L1TD1: variants seen among roughly 807,000 people sequenced by gnomAD.
L1TD1 encodes LINE-1 type transposase domain-containing protein 1.
L1TD1 carries 26 observed loss-of-function variants against 25.7 expected under a neutral mutation model. The observed-to-expected ratio is 1.01, with a 90% CI of 0.74 to 1.40. The LOEUF (loss-of-function observed/expected upper bound fraction) is 1.40, where lower values mean the gene tolerates loss of function less well. Ranked by LOEUF, L1TD1 falls within the 40% of genes most tolerant of loss-of-function variation. The pLI is 0.00. For synonymous variants in L1TD1, 421 were observed against 335.6 expected (o/e 1.25, Z -2.78); for missense variants, 1,130 against 975.0 (o/e 1.16, Z -2.12).
intron 2 of L1TD1, among the ~76,000 whole-genome samples, chr1:62,203,101 C>T (rs539024743): frequency 4.6e-5 from 7 of 152,148 alleles, no homozygotes; most frequent in Admixed American, 3.9e-4. Context: ...GCTGGGATTA[C>T]AGGTGTGAGC....
intron 3 of L1TD1, among the ~76,000 whole-genome samples, chr1:62,208,919 T>A (rs1443758528): frequency 6.6e-6 from 1 of 152,206 alleles, no homozygotes; most frequent in Non-Finnish European, 1.5e-5. Context: ...ACAAATTATT[T>A]AAGAATCAGT....
Position 62,194,881 on chromosome 1 carries a change from G to C in L1TD1, c.-245G>C, listed in dbSNP as rs1285961779. 1.3e-5 allele frequency: 2 copies of C among 152,470 alleles called. No individual in the cohort carries two copies. Among genetic ancestry groups the C allele is most frequent in the African/African-American group, 4.8e-5 (2 of 41,478 alleles). 9.4% of individuals were successfully genotyped at this position (152,470 alleles called of 1,614,324 possible). ...AGTTACAAGGCTCCATCCTCACTTTGTTCGCTCCTCAGTCGTCCAGGCGGA... is the reference window on the plus strand; with the variant it reads ...AGTTACAAGGCTCCATCCTCACTTTCTTCGCTCCTCAGTCGTCCAGGCGGA... On this transcript the variant is annotated 5_prime_UTR_variant, in exon 1 of 4. Transcript: ENST00000498273.
intron 3 of L1TD1, 28 bp from the exon 4 acceptor site, chr1:62,209,754 CT>C (rs143484043): frequency 6.6e-5 from 93 of 1,412,670 alleles, no homozygotes; most frequent in Admixed American, 1.5e-4. Context: ...ACAAATAACT[CT>C]TTTTTTTCTT....
rs1670854170 is a variant in L1TD1 at position 62,210,878 on chromosome 1, A to AT, written c.2106dup (p.Arg703SerfsTer12). ...AGAGGAGAGATCTAGAAGTTGCAAC[A>AT]TTCGTTTGATAGGAATTCCAGAAAA... On this transcript the variant is annotated frameshift_variant, in exon 4 of 4. Coordinates refer to ENST00000498273, the MANE Select transcript of L1TD1 (RefSeq NM_019079.5). LOFTEE classifies it low-confidence loss of function (END_TRUNC). 1 of 1,551,454 alleles carries AT rather than the reference A, an allele frequency of 6.4e-7. No individual in the cohort carries two copies. The highest frequency in any genetic ancestry group is 1.2e-5 in the South Asian group (1 of 84,018).
chr1:62,210,954 A>G lies in L1TD1; in HGVS notation c.2180A>G (p.Glu727Gly). The G allele has an allele frequency of 6.5e-7, 1 of 1,545,410 alleles. No individual in the cohort carries two copies. The highest frequency in any genetic ancestry group is 2.4e-5 in the East Asian group (1 of 40,888). ...GACATAATTAAAGAAATAATTGATGAAAACTTTGCAGAACTAAAGAAAGGT... is the reference window on the plus strand; with the variant it reads ...GACATAATTAAAGAAATAATTGATGGAAACTTTGCAGAACTAAAGAAAGGT... ...AEDIIKEIID[E>G]NFAELKKGSS... is the part of the protein sequence containing the mutation. Residue 727 changes from glutamate to glycine, a missense_variant, in exon 4 of 4, where the codon GAA (glutamate) becomes GGA (glycine). By Grantham distance (98) the Glu-to-Gly change is moderately conservative (BLOSUM62 -2). Transcript: ENST00000498273.
In L1TD1 at chr1:62,211,251, C is replaced by T. The variant is rs1489555408; in HGVS notation, c.2477C>T (p.Pro826Leu). ...GGCTTTAATCCTAGAATCCTATATCCAGCCAAAATGGCATTTGATTTTAGG... is the reference window on the plus strand; with the variant it reads ...GGCTTTAATCCTAGAATCCTATATCTAGCCAAAATGGCATTTGATTTTAGG... ...EKGFNPRILY[P>L]AKMAFDFRGK... Residue 826 changes from proline (P) to leucine (L), a missense_variant, in exon 4 of 4, where the codon CCA becomes CTA. Coordinates refer to ENST00000498273, the MANE Select transcript of L1TD1 (RefSeq NM_019079.5). The T allele has an allele frequency of 1.3e-6, 2 of 1,595,144 alleles. No homozygotes were observed. Among genetic ancestry groups the T allele is most frequent in the Non-Finnish European group, 1.7e-6 (2 of 1,170,092 alleles).
chr1:62,211,492 A>T lies in L1TD1; in HGVS notation c.*120A>T, dbSNP rs1670871196. The T allele has an allele frequency of 6.8e-7, 1 of 1,463,598 alleles. No individual in the cohort carries two copies. Among genetic ancestry groups the T allele is most frequent in the African/African-American group, 1.4e-5 (1 of 71,056 alleles). The allele number at this position is 1,463,598 out of a possible 1,614,324, so 90.7% of individuals were successfully genotyped here. A position where few individuals can be genotyped will look rare whatever the true frequency, so the allele number is the denominator to read the frequency against. On this transcript the variant is annotated 3_prime_UTR_variant, in exon 4 of 4. Coordinates refer to ENST00000498273, the MANE Select transcript of L1TD1 (RefSeq NM_019079.5). ...TGGACAGCTAATAGCGTACTTGGGGATGAGGAGCAAGGAATATTACAGATA... is the reference window on the plus strand; with the variant it reads ...TGGACAGCTAATAGCGTACTTGGGGTTGAGGAGCAAGGAATATTACAGATA...
intron 2 of L1TD1, among the ~76,000 whole-genome samples, chr1:62,205,437 ATATATAT>A (rs1345947256): frequency 2.4e-5 from 1 of 42,462 alleles, no homozygotes; most frequent in Non-Finnish European, 4.6e-5. Flanking sequence ...ATATATATAT[ATATATAT>A]TTTTTTTTAG....
At chr1:62,207,684 T>C (rs1253213997) in intron 3 of L1TD1, 48 bp downstream of exon 3, 5 of 1,445,048 alleles carry the variant, frequency 3.5e-6, no homozygotes, top group African/African-American at 1.4e-5. Context: ...ATAAATGTAA[T>C]AGTAGGCATG....
rs1261055805 is a variant in L1TD1, at chr1:62,205,443, A to ATTTTTTTTTTTTTTTT, written c.-110-1067_-110-1066insTTTTTTTTTTTTTTTT. On this transcript the variant is annotated intron_variant, in intron 2 of 3. Coordinates refer to ENST00000498273, the MANE Select transcript of L1TD1 (RefSeq NM_019079.5). ...TATATATATATATATATATATATAT[A>ATTTTTTTTTTTTTTTT]TTTTTTTTTAGACAGTCTTGCTGTG... Among the ~76,000 whole-genome samples, 30 of 63,622 alleles carry ATTTTTTTTTTTTTTTT rather than the reference A, an allele frequency of 4.7e-4. 1 individual carries two copies. The highest frequency in any genetic ancestry group is 1.2e-3 in the South Asian group (2 of 1,654). 41.7% of individuals were successfully genotyped at this position (63,622 alleles called of 152,430 possible).
chr1:62,195,120 A>G (rs545990681), intron 1 of L1TD1, among the ~76,000 whole-genome samples, 199 bp downstream of exon 1: 3 of 144,594 alleles, frequency 2.1e-5, no homozygotes, highest in African/African-American at 7.8e-5. Context: ...GCAGCGCCCC[A>G]AGTAAGGCTG....
chr1:62,209,659 TTTTCAGATATTTTC>T, intron 3 of L1TD1, 110 bp from the exon 4 acceptor site: 1 of 880,746 alleles, frequency 1.1e-6, no homozygotes, highest in Non-Finnish European at 1.7e-6. Flanking sequence ...TTTAAGCACT[TTTTCAGATATTTTC>T]TGTCAGAATT....
Position 62,210,194 on chromosome 1 carries a change from G to T in L1TD1, c.1420G>T (p.Glu474Ter). The T allele has an allele frequency of 1.9e-6, 3 of 1,614,074 alleles. No homozygotes were observed. The highest frequency in any genetic ancestry group is 2.5e-6 in the Non-Finnish European group (3 of 1,180,006). Residue 474 changes from glutamate to a stop codon, truncating the protein, a stop_gained, in exon 4 of 4, where the codon GAG becomes TAG. Transcript: ENST00000498273. LOFTEE classifies it low-confidence loss of function (END_TRUNC). ...GGAAACTACTTTCATTGACTCTGTAGAGGATTCTGAATCAGAGGAGGAAGA... is the reference window on the plus strand; with the variant it reads ...GGAAACTACTTTCATTGACTCTGTATAGGATTCTGAATCAGAGGAGGAAGA... ...GMETTFIDSV[E>*]DSESEEEEEG...
rs1454338875 is a variant in L1TD1 at position 62,207,163 on chromosome 1, T to C, written c.535T>C (p.Cys179Arg). 3.2e-6 allele frequency: 5 copies of C among 1,558,496 alleles called. No individual in the cohort carries two copies. Among genetic ancestry groups the C allele is most frequent in the East Asian group, 2.4e-5 (1 of 41,700 alleles). ...EVMGSMEETL[C>R]NIDDRDGNRN... ...CATGGGAAGTATGGAAGAAACCTTA[T>C]GCAATATAGATGACAGAGATGGAAA... Residue 179 changes from cysteine to arginine, a missense_variant, in exon 3 of 4, where the codon TGC becomes CGC. Physicochemically the swap from Cys to Arg is radical, Grantham distance 180 (BLOSUM62 -3). Transcript: ENST00000498273.
rs561407938 is a variant in L1TD1 at position 62,203,436 on chromosome 1, T to A, written c.-110-3083T>A. 7.9e-5 allele frequency among the ~76,000 whole-genome samples: 12 copies of A among 152,252 alleles called. No individual in the cohort carries two copies. The East Asian group carries it at 2.3e-3, about 29-fold the overall frequency. ...TAACTATCATTCTACTCTCTTTTTT[T>A]TTTGAGACAGGGTCTCACTCTGTCG... is the stretch of plus-strand genomic sequence containing the variant. On this transcript the variant is annotated intron_variant, in intron 2 of 3. Coordinates refer to ENST00000498273, the MANE Select transcript of L1TD1 (RefSeq NM_019079.5).
Position 62,211,241 on chromosome 1 carries a change from A to G in L1TD1, c.2467A>G (p.Ile823Val). 4 of 1,583,870 alleles carry G rather than the reference A, an allele frequency of 2.5e-6. No homozygotes were observed. Among genetic ancestry groups the G allele is most frequent in the Non-Finnish European group, 3.4e-6 (4 of 1,164,176 alleles). The change falls in exon 4 of 4, where the codon ATC becomes GTC. Residue 823 changes from isoleucine to valine, a missense_variant. Transcript: ENST00000498273. ...VLLEKGFNPR[I>V]LYPAKMAFDF... Reference sequence around the variant, plus strand: ...GCTGGAAAAAGGCTTTAATCCTAGAATCCTATATCCAGCCAAAATGGCATT... The same window carrying G: ...GCTGGAAAAAGGCTTTAATCCTAGAGTCCTATATCCAGCCAAAATGGCATT...
In L1TD1 at chr1:62,210,341, T is replaced by G. The variant is rs1353022157; in HGVS notation, c.1567T>G (p.Leu523Val). ...GGTTGGGGACTCTGGGAAGAAAAAG[T>G]TGGTGAAACACCAGGTGGTGCACAA... ...YLVGDSGKKK[L>V]VKHQVVHKTQ... Residue 523 changes from leucine (L) to valine (V), a missense_variant, in exon 4 of 4, where the codon TTG becomes GTG. Leu to Val is a conservative substitution (Grantham distance 32, BLOSUM62 1). Transcript: ENST00000498273. 1 of 1,613,682 alleles carries G rather than the reference T, an allele frequency of 6.2e-7. No individual in the cohort carries two copies. Among genetic ancestry groups the G allele is most frequent in the Admixed American group, 1.7e-5 (1 of 59,908 alleles).
intron 2 of L1TD1, among the ~76,000 whole-genome samples, chr1:62,196,932 TG>T (rs1190482841): frequency 6.6e-6 from 1 of 151,790 alleles, no homozygotes; most frequent in Non-Finnish European, 1.5e-5. Flanking sequence ...GAAATGACCT[TG>T]GGTCTGATAA....
intron 1 of L1TD1, among the ~76,000 whole-genome samples, chr1:62,196,022 G>A (rs967437058): frequency 7.3e-6 from 1 of 137,278 alleles, no homozygotes; most frequent in Non-Finnish European, 1.6e-5. Context: ...GGGCGGCAGA[G>A]CGAAACTCCG....
Sources: allele counts gnomAD v4.1 joint callset (sites outside exome capture counted in the v4.1 genomes callset), GRCh38; gene constraint gnomAD v4.1.1; transcripts MANE v1.5; gene names NCBI Gene and HGNC (gene_info 2026-07-23, HGNC 2026-07-21).